Variants in PDE1C observed in about 807,000 individuals in gnomAD.
PDE1C encodes the protein dual specificity calcium/calmodulin-dependent 3',5'-cyclic nucleotide phosphodiesterase 1C.
A neutral mutation model predicts 93.1 loss-of-function variants in PDE1C; 62 were observed. That is an observed-to-expected ratio of 0.67 (90% CI 0.54 to 0.82). The LOEUF (loss-of-function observed/expected upper bound fraction) is 0.82, where lower values mean the gene tolerates loss of function less well. PDE1C is among the 40% of genes least tolerant of loss of function. The pLI, the probability that PDE1C is intolerant of heterozygous loss-of-function variation, is 0.00. For missense variants in PDE1C, 742 were observed against 884.6 expected (o/e 0.84, Z 2.04); for synonymous variants, 325 against 310.1 (o/e 1.05, Z -0.50).
At chr7:31,989,616 AC>A (rs1380406472) in intron 2 of PDE1C, among the ~76,000 whole-genome samples, 1 of 152,190 alleles carries the variant, frequency 6.6e-6, no homozygotes, top group African/African-American at 2.4e-5. Flanking sequence ...GTCTCTGCTA[AC>A]CCAGAAAGAA....
At chr7:31,682,760 G>A in the PDE1C span, among the ~76,000 whole-genome samples, 22 of 151,972 alleles carry the variant, frequency 1.4e-4, no homozygotes, top group Non-Finnish European at 2.6e-4. Flanking sequence ...GATAAATTGC[G>A]GTACATCCAT....
intron 2 of PDE1C, among the ~76,000 whole-genome samples, chr7:32,198,001 T>C (rs528779361): frequency 7.9e-5 from 12 of 152,320 alleles, no homozygotes; most frequent in African/African-American, 2.6e-4. Context: ...TAAAACTAAA[T>C]AGCAGCAATC....
the PDE1C span, among the ~76,000 whole-genome samples, chr7:31,620,865 T>C: frequency 6.6e-5 from 10 of 151,648 alleles, no homozygotes; most frequent in African/African-American, 1.7e-4. Flanking sequence ...TTGAAAAAAA[T>C]TTAGACGAAT....
chr7:32,362,238 G>T (rs937774311), intron 1 of PDE1C, among the ~76,000 whole-genome samples: 10 of 152,164 alleles, frequency 6.6e-5, no homozygotes, highest in Non-Finnish European at 1.2e-4. Flanking sequence ...TGGAGTGTGT[G>T]TGTGGTGGTT....
In PDE1C at chr7:31,828,298, G is replaced by A. The variant is rs1789945531; in HGVS notation, c.1279C>T (p.Gln427Ter). Residue 427 changes from glutamine to a stop codon, truncating the protein, a stop_gained, in exon 12 of 18, where the codon CAA (glutamine) becomes TAA (stop). Coordinates refer to ENST00000396191, the MANE Select transcript of PDE1C (RefSeq NM_001191057.4). LOFTEE classifies it high-confidence loss of function. Reference protein sequence around the residue: ...DRKSTMVAQSQVGFIDFIVEP... With the variant: ...DRKSTMVAQS Reference sequence around the variant, plus strand: ...AAGAGCTGCAAACACGTACCTACTTGTGACTGAGCAACCATAGTGGACTTT... The same window carrying A: ...AAGAGCTGCAAACACGTACCTACTTATGACTGAGCAACCATAGTGGACTTT... 6.2e-7 allele frequency: 1 copy of A among 1,611,948 alleles called. No individual in the cohort carries two copies. Among genetic ancestry groups the A allele is most frequent in the Non-Finnish European group, 8.5e-7 (1 of 1,178,570 alleles).
At chr7:32,255,716 A>C (rs1809740280) in intron 1 of PDE1C, among the ~76,000 whole-genome samples, 1 of 152,132 alleles carries the variant, frequency 6.6e-6, no homozygotes, top group Admixed American at 6.5e-5. Context: ...AAGGAAGAGA[A>C]AGGACACCCC....
At chr7:32,246,933 G>T (rs968736885) in intron 1 of PDE1C, among the ~76,000 whole-genome samples, 1 of 152,248 alleles carries the variant, frequency 6.6e-6, no homozygotes, top group Non-Finnish European at 1.5e-5. Context: ...ACTATGCACT[G>T]AGGCTGAAGG....
At chr7:31,833,358 A>G (rs1027687877) in intron 11 of PDE1C, among the ~76,000 whole-genome samples, 2 of 152,186 alleles carry the variant, frequency 1.3e-5, no homozygotes, top group African/African-American at 4.8e-5. Flanking sequence ...TGGTACTGGT[A>G]GAGTGTGGCT....
At chr7:32,083,875 C>T (rs943031940) in intron 3 of PDE1C, among the ~76,000 whole-genome samples, 49 of 151,930 alleles carry the variant, frequency 3.2e-4, no homozygotes, top group African/African-American at 1.1e-3. Flanking sequence ...AAGGAAAAAC[C>T]GGTACCAGCT....
At chr7:32,012,401 G>A (rs377005186) in intron 2 of PDE1C, among the ~76,000 whole-genome samples, 4 of 152,114 alleles carry the variant, frequency 2.6e-5, no homozygotes, top group African/African-American at 9.7e-5. Flanking sequence ...AGTGGATGTA[G>A]GAACTAGGCC....
chr7:31,655,627 C>T, the PDE1C span, among the ~76,000 whole-genome samples: 714 of 152,276 alleles, frequency 4.7e-3, 5 homozygotes, highest in African/African-American at 0.016. Context: ...ATGCGCCTCT[C>T]GTCGCCTCCC....
At chr7:31,656,262 A>G in the PDE1C span, 6 of 176,668 alleles carry the variant, frequency 3.4e-5, no homozygotes, top group Admixed American at 3.9e-4. Flanking sequence ...AAGAGAGACT[A>G]TCTGGAGGAA....
intron 3 of PDE1C, among the ~76,000 whole-genome samples, chr7:32,098,707 T>C (rs1797898368): frequency 6.6e-6 from 1 of 152,244 alleles, no homozygotes; most frequent in African/African-American, 2.4e-5. Context: ...CCCTGTGGAC[T>C]TTCTAGGGTA....
intron 1 of PDE1C, among the ~76,000 whole-genome samples, chr7:32,211,425 GAAC>G (rs1476970482): frequency 6.6e-6 from 1 of 152,020 alleles, no homozygotes; most frequent in Admixed American, 6.6e-5. Context: ...AAGTATTTCA[GAAC>G]AATGGTCAAC....
intron 3 of PDE1C, among the ~76,000 whole-genome samples, chr7:32,128,407 A>T (rs984997994): frequency 3.3e-5 from 5 of 151,924 alleles, no homozygotes; most frequent in African/African-American, 1.2e-4. Context: ...GTAAAAAAAC[A>T]TACAATGGGG....
chr7:31,960,418 T>C (rs575850620), intron 2 of PDE1C, among the ~76,000 whole-genome samples: 2 of 152,234 alleles, frequency 1.3e-5, no homozygotes, highest in South Asian at 4.1e-4. Context: ...ACAAAATAAC[T>C]AGTCTTGACC....
At chr7:32,217,663 G>A (rs1343100557) in intron 1 of PDE1C, among the ~76,000 whole-genome samples, 1 of 152,196 alleles carries the variant, frequency 6.6e-6, no homozygotes, top group African/African-American at 2.4e-5. Context: ...GGAAAATGAA[G>A]GGAGGAGGTA....
intron 2 of PDE1C, among the ~76,000 whole-genome samples, chr7:31,986,912 A>G (rs181392718): frequency 6.7e-6 from 1 of 149,440 alleles, no homozygotes; most frequent in East Asian, 2.0e-4. Flanking sequence ...ACACTTATAG[A>G]GTTTTCATTG....
chr7:32,089,599 G>A (rs939873127), intron 3 of PDE1C, among the ~76,000 whole-genome samples: 4 of 152,148 alleles, frequency 2.6e-5, no homozygotes, highest in Admixed American at 6.5e-5. Context: ...AAAGGAACCC[G>A]CAGTTCTCGT....
Sources: gnomAD v4.1 joint callset for allele counts (sites outside exome capture counted in the v4.1 genomes callset) on GRCh38, gnomAD v4.1.1 for gene constraint, MANE v1.5 for transcripts, NCBI Gene and HGNC (gene_info 2026-07-23, HGNC 2026-07-21) for gene names.